Variants in RAB37 observed in about 807,000 individuals in gnomAD.
RAB37 encodes the protein ras-related protein Rab-37.
Under a neutral mutation model 33.1 loss-of-function variants are expected in RAB37, and 29 were observed. The ratio of observed to expected loss-of-function variants is 0.88; its 90% CI spans 0.65 to 1.20. The LOEUF (loss-of-function observed/expected upper bound fraction) is 1.20. Among genes scored for constraint, RAB37 ranks in the 50% most tolerant of loss-of-function variants. RAB37 has a pLI of 0.00. For synonymous variants in RAB37, 128 were observed against 119.5 expected, an observed-to-expected ratio of 1.07 and a Z score of -0.47; for missense variants, 299 against 301.1, an observed-to-expected ratio of 0.99 and a Z score of 0.05.
At chr17:74,675,666 G>A (rs1352703644) in intron 1 of RAB37, among the ~76,000 whole-genome samples, 1 of 152,192 alleles carries the variant, frequency 6.6e-6, no homozygotes, top group Non-Finnish European at 1.5e-5. Context: ...AAACATCCCA[G>A]TTCTGACTTC....
chr17:74,745,660 T>G lies in RAB37; in HGVS notation c.*249T>G. The stretch of plus-strand genomic sequence containing the variant: ...ATAATTTAATACCAAAAAAGGCGCC[T>G]GGATCCCCAAAAAACCGAGGCTGGG... On this transcript the variant is annotated 3_prime_UTR_variant, in exon 9 of 9. Transcript: ENST00000392613. This position sits in a 1 kb window ranked among gnomAD's most constrained non-coding sequence, Gnocchi z 4.5. The G allele has an allele frequency of 8.8e-5, 32 of 363,690 alleles. No homozygotes were observed. Among genetic ancestry groups the G allele is most frequent in the East Asian group, 1.6e-4 (3 of 18,570 alleles). 22.5% of individuals were successfully genotyped at this position (363,690 alleles called of 1,614,324 possible).
Position 74,744,974 on chromosome 17 carries a change from G to A in RAB37, c.490-34G>A, listed in dbSNP as rs772474481. 79 of 1,614,154 alleles carry A rather than the reference G, an allele frequency of 4.9e-5. No homozygotes were observed. Among genetic ancestry groups the A allele is most frequent in the Non-Finnish European group, 6.4e-5 (76 of 1,179,952 alleles). ...ACAGGGTGAAGGGTGGGGGCAACCCGACGCTGGCCCTGAGGACACTCTCTC... is the reference window on the plus strand; with the variant it reads ...ACAGGGTGAAGGGTGGGGGCAACCCAACGCTGGCCCTGAGGACACTCTCTC... On this transcript the variant is annotated intron_variant, in intron 7 of 8. Coordinates refer to ENST00000392613, the MANE Select transcript of RAB37 (RefSeq NM_001006638.3). This position sits in a 1 kb window ranked among gnomAD's most constrained non-coding sequence, Gnocchi z 4.2.
rs115048313 is a variant in RAB37, at chr17:74,718,587, G to A, written c.73-10669G>A. On this transcript the variant is annotated intron_variant, in intron 1 of 7. Coordinates refer to the RAB37 transcript ENST00000340415. ...GATGTATTTGGAAAAAAAAACAAGC[G>A]TTTGTTCAGCAACAGGTAGGCTAAA... Among the ~76,000 whole-genome samples, 673 of 152,194 alleles carry A rather than the reference G, an allele frequency of 4.4e-3. 7 individuals are homozygous for A. The highest frequency in any genetic ancestry group is 0.015 in the African/African-American group (621 of 41,520).
At chr17:74,674,981 C>T (rs748752498) in intron 1 of RAB37, among the ~76,000 whole-genome samples, 2 of 152,190 alleles carry the variant, frequency 1.3e-5, no homozygotes, top group Non-Finnish European at 2.9e-5. Flanking sequence ...AAACTCCAGG[C>T]TTGGAATAAG....
chr17:74,740,690 C>A, intron 1 of RAB37, 78 bp from the exon 2 acceptor site: 1 of 1,018,686 alleles, frequency 9.8e-7, no homozygotes, highest in Non-Finnish European at 1.5e-6. Flanking sequence ...TTCTCTGATC[C>A]TCTCCATGTG....
At chr17:74,708,624 A>C (rs1445089537) in intron 1 of RAB37, among the ~76,000 whole-genome samples, 1 of 152,208 alleles carries the variant, frequency 6.6e-6, no homozygotes, top group Non-Finnish European at 1.5e-5. Context: ...ACATTAAAAA[A>C]TCAATAAGGA....
At chr17:74,689,379 G>T (rs1308013970) in intron 1 of RAB37, among the ~76,000 whole-genome samples, 1 of 152,080 alleles carries the variant, frequency 6.6e-6, no homozygotes, top group African/African-American at 2.4e-5. Flanking sequence ...GGAGGCAGAG[G>T]TTGTGGTGAG....
rs1379870361 is a variant in RAB37, at chr17:74,730,266, T to C, written c.183+900T>C. On this transcript the variant is annotated intron_variant, in intron 2 of 7. Transcript: ENST00000340415. This position sits in a 1 kb window ranked among gnomAD's most constrained non-coding sequence, Gnocchi z 4.4. ...ATCTCTTCTTGGACAACGCGGATGT[T>C]TGGGAACCTCTGAGACCAGAGCACA... Among the ~76,000 whole-genome samples the C allele has an allele frequency of 6.6e-6, 1 of 152,070 alleles. No individual in the cohort carries two copies. The highest frequency in any genetic ancestry group is 1.9e-4 in the East Asian group (1 of 5,178).
intron 1 of RAB37, among the ~76,000 whole-genome samples, chr17:74,724,515 G>C (rs2034282039): frequency 6.6e-6 from 1 of 152,242 alleles, no homozygotes; most frequent in South Asian, 2.1e-4. Context: ...ATGTGTCCGT[G>C]TGAAGAGACC....
intron 1 of RAB37, among the ~76,000 whole-genome samples, chr17:74,713,837 A>T (rs1284264595): frequency 2.1e-5 from 3 of 140,984 alleles, no homozygotes; most frequent in African/African-American, 7.8e-5. Context: ...CTGAGGCAGG[A>T]AGATCACTTG....
At chr17:74,722,305 A>AGAGAGAGAT (rs947815218) in intron 1 of RAB37, among the ~76,000 whole-genome samples, 3 of 150,598 alleles carry the variant, frequency 2.0e-5, no homozygotes, top group African/African-American at 7.3e-5. Flanking sequence ...AAAAAGAAAG[A>AGAGAGAGAT]GAGAGAGATT....
intron 1 of RAB37, among the ~76,000 whole-genome samples, chr17:74,686,492 G>A (rs1424895929): frequency 6.6e-6 from 1 of 152,162 alleles, no homozygotes; most frequent in Non-Finnish European, 1.5e-5. Context: ...CTGGGTTCGA[G>A]TGATTCTCCT....
In RAB37 at chr17:74,745,014, G is replaced by A. The variant is rs766081840; in HGVS notation, c.496G>A (p.Gly166Ser). ...EDGETLAREY[G>S]VPFLETSAKT... ...GACACTCTCTCCCGGGCAGGAGTAC[G>A]GTGTTCCCTTCCTGGAGACCAGCGC... Residue 166 changes from glycine to serine, a missense_variant, in exon 8 of 9, where the codon GGT (glycine) becomes AGT (serine). Gly to Ser is a moderately conservative substitution (Grantham distance 56). Coordinates refer to ENST00000392613, the MANE Select transcript of RAB37 (RefSeq NM_001006638.3). This position sits in a 1 kb window ranked among gnomAD's most constrained non-coding sequence, Gnocchi z 4.5. 8.7e-6 allele frequency: 14 copies of A among 1,614,246 alleles called. No homozygotes were observed. Among genetic ancestry groups the A allele is most frequent in the Middle Eastern group, 3.3e-4 (2 of 6,062 alleles).
At chr17:74,707,421 A>G (rs2033607067) in intron 1 of RAB37, among the ~76,000 whole-genome samples, 1 of 152,260 alleles carries the variant, frequency 6.6e-6, no homozygotes, top group Non-Finnish European at 1.5e-5. Context: ...AATGCAAATT[A>G]AAACCAAAAG....
intron 1 of RAB37, among the ~76,000 whole-genome samples, chr17:74,682,551 C>T (rs950444416): frequency 6.6e-6 from 1 of 152,148 alleles, no homozygotes; most frequent in Non-Finnish European, 1.5e-5. Context: ...GGCTTAAGCT[C>T]GGGTCACATG....
intron 1 of RAB37, among the ~76,000 whole-genome samples, chr17:74,718,316 C>CATCATATCATATCATATCATACATCAT (rs2034193265): frequency 6.8e-6 from 1 of 147,586 alleles, no homozygotes; most frequent in Non-Finnish European, 1.5e-5. Context: ...TCATATCATA[C>CATCATATCATATCATATCATACATCAT]ATCATATCAT....
chr17:74,679,448 T>C (rs996632212), intron 1 of RAB37, among the ~76,000 whole-genome samples: 1 of 152,150 alleles, frequency 6.6e-6, no homozygotes, highest in Non-Finnish European at 1.5e-5. Context: ...CAGGTTTCAT[T>C]TGGTTATCAG....
chr17:74,718,860 G>A (rs2034202675), intron 1 of RAB37, among the ~76,000 whole-genome samples: 1 of 152,126 alleles, frequency 6.6e-6, no homozygotes. Flanking sequence ...ATTTATTTCA[G>A]GTTACATGAA....
rs763481254 is a variant in RAB37 at position 74,744,428 on chromosome 17, G to A, written c.432+55G>A. 38 of 1,558,578 alleles carry A rather than the reference G, an allele frequency of 2.4e-5. No homozygotes were observed. Among genetic ancestry groups the A allele is most frequent in the Admixed American group, 8.4e-5 (5 of 59,782 alleles). On this transcript the variant is annotated intron_variant, in intron 6 of 8. Coordinates refer to ENST00000392613, the MANE Select transcript of RAB37 (RefSeq NM_001006638.3). This position sits in a 1 kb window ranked among gnomAD's most constrained non-coding sequence, Gnocchi z 4.2. ...GCCCTGCACTTCCTCAGCCCTAGCC[G>A]GCCCCATAACCACCCAAGAACAGTT...
Sources: gnomAD v4.1 joint callset for allele counts (sites outside exome capture counted in the v4.1 genomes callset) on GRCh38, gnomAD v4.1.1 for gene constraint, Gnocchi (gnomAD v3.1) non-coding constraint, MANE v1.5 for transcripts, NCBI Gene and HGNC (gene_info 2026-07-23, HGNC 2026-07-21) for gene names.